The following ETV4 variants were observed in gnomAD, a reference collection of about 807,000 sequenced individuals.
ETV4 encodes the protein ETS variant transcription factor 4.
A neutral mutation model predicts 65.9 loss-of-function variants in ETV4; 42 were observed. The ratio of observed to expected loss-of-function variants is 0.64; its 90% confidence interval spans 0.50 to 0.82. The LOEUF (loss-of-function observed/expected upper bound fraction) is 0.82, where lower values mean the gene tolerates loss of function less well. Among genes scored for constraint, ETV4 ranks in the 40% least tolerant of loss-of-function variants. ETV4 has a pLI of 0.00. For synonymous variants in ETV4, 238 were observed against 260.0 expected (o/e 0.92, Z 0.81); for missense variants, 583 against 630.3 (o/e 0.92, Z 0.80).
At chr17:43,528,767 T>G in intron 12 of ETV4, 24 bp from the exon 13 acceptor site, 1 of 1,604,040 alleles carries the variant, frequency 6.2e-7, no homozygotes, top group Admixed American at 1.7e-5. Flanking sequence ...GAAGGTCTGG[T>G]CAGCCTGGCT....
chr17:43,529,688 G>A lies in ETV4; in HGVS notation c.956-12C>T, dbSNP rs377232247. The A allele has an allele frequency of 5.0e-6, 8 of 1,602,018 alleles. No homozygotes were observed. The highest frequency in any genetic ancestry group is 2.2e-5 in the East Asian group (1 of 44,664). Reference sequence around the variant, plus strand: ...CTGCTTGATGTCTCCTGGGGAACACGAAAATAGGAGGTGTGGGGTTTGTGT... The same window carrying A: ...CTGCTTGATGTCTCCTGGGGAACACAAAAATAGGAGGTGTGGGGTTTGTGT... On this transcript the variant is annotated splice_polypyrimidine_tract_variant and intron_variant, in intron 10 of 12. Coordinates refer to ENST00000319349, the MANE Select transcript of ETV4 (RefSeq NM_001079675.5).
intron 4 of ETV4, among the ~76,000 whole-genome samples, chr17:43,538,103 T>C (rs1218438013): frequency 6.9e-6 from 1 of 145,910 alleles, no homozygotes; most frequent in Non-Finnish European, 1.5e-5. Context: ...ATCAGGCCAC[T>C]GCACTCCAGC....
chr17:43,539,391 A>C (rs1422149528), intron 4 of ETV4, among the ~76,000 whole-genome samples: 2 of 152,024 alleles, frequency 1.3e-5, no homozygotes, highest in Non-Finnish European at 2.9e-5. Flanking sequence ...CCCCTAAACC[A>C]AAGTGGTTCC....
Position 43,528,600 on chromosome 17 carries a change from G to A in ETV4, c.1374C>T (p.His458=). 1.9e-6 allele frequency: 3 copies of A among 1,614,188 alleles called. No homozygotes were observed. The highest frequency in any genetic ancestry group is 2.5e-6 in the Non-Finnish European group (3 of 1,180,030). The change falls in exon 13 of 13, where the codon CAC becomes CAT. Residue 458 remains histidine (H), a synonymous_variant. Transcript: ENST00000319349. The part of the protein sequence containing the change: ...VSEEDTVPLS[H]LDESPAYLPE... ...GGAGGTAGGCGGGGCTCTCATCCAA[G>A]TGGGACAAAGGGACTGTGTCCTCCT...
At chr17:43,545,222 TGTGTGTGTGTGTGGC>T (rs1971745189) in intron 3 of ETV4, 37 bp downstream of exon 3, 1 of 1,116,502 alleles carries the variant, frequency 9.0e-7, no homozygotes, top group Non-Finnish European at 1.3e-6. Context: ...TGTGTGTGTG[TGTGTGTGTGTGTGGC>T]GGAGGAGGGT....
chr17:43,536,227 T>C lies in ETV4; in HGVS notation c.256+199A>G. 1.1e-5 allele frequency: 7 copies of C among 629,744 alleles called. No homozygotes were observed. In the South Asian group the frequency reaches 1.3e-4, roughly 12 times the overall value. 39.0% of individuals were successfully genotyped at this position (629,744 alleles called of 1,614,324 possible). A position where few individuals can be genotyped will look rare whatever the true frequency, so the allele number is the denominator to read the frequency against. On this transcript the variant is annotated intron_variant, in intron 5 of 12. Coordinates refer to ENST00000319349, the MANE Select transcript of ETV4 (RefSeq NM_001079675.5). Reference sequence around the variant, plus strand: ...GGAGAACCAGAGGGATAGTGTCTGCTCTAAGGTCACACAGCAAGAACATGT... The same window carrying C: ...GGAGAACCAGAGGGATAGTGTCTGCCCTAAGGTCACACAGCAAGAACATGT...
At chr17:43,532,319 C>T (rs551033401) in intron 8 of ETV4, among the ~76,000 whole-genome samples, 306 of 152,144 alleles carry the variant, frequency 2.0e-3, no homozygotes, top group Non-Finnish European at 3.2e-3. Flanking sequence ...GCCAGCATGG[C>T]GAAACCCCAT....
intron 9 of ETV4, 48 bp downstream of exon 9, chr17:43,530,059 C>G (rs754971634): frequency 5.0e-6 from 8 of 1,611,774 alleles, no homozygotes; most frequent in Non-Finnish European, 6.8e-6. Flanking sequence ...TGGCAGCGCT[C>G]CCTCCCCCAA....
intron 4 of ETV4, chr17:43,543,744 A>C (rs1598220600): frequency 1.3e-5 from 2 of 152,198 alleles, no homozygotes; most frequent in Non-Finnish European, 2.9e-5. Context: ...ATACCCTCAG[A>C]ACCTCCAGAT....
chr17:43,545,926 C>A, intron 1 of ETV4: 1 of 482,444 alleles, frequency 2.1e-6, no homozygotes, highest in Non-Finnish European at 3.8e-6. Context: ...GGCTCGGTTA[C>A]ATAAGAACGT....
chr17:43,539,486 G>T (rs1971410107), intron 4 of ETV4, among the ~76,000 whole-genome samples: 1 of 152,116 alleles, frequency 6.6e-6, no homozygotes, highest in Admixed American at 6.5e-5. Flanking sequence ...TTACCTGTTT[G>T]TTATCTACCT....
chr17:43,532,562 G>A (rs1394320028), intron 8 of ETV4, 112 bp downstream of exon 8: 4 of 948,068 alleles, frequency 4.2e-6, no homozygotes, highest in African/African-American at 1.7e-5. Flanking sequence ...AAAGTGGGTG[G>A]GTGGGTTGGA....
intron 6 of ETV4, 62 bp from the exon 7 acceptor site, chr17:43,533,410 T>A: frequency 1.3e-6 from 2 of 1,502,838 alleles, no homozygotes; most frequent in South Asian, 2.4e-5. Flanking sequence ...CTTTGAACCC[T>A]TCATTCCTAG....
chr17:43,534,035 G>T, intron 5 of ETV4, 50 bp from the exon 6 acceptor site: 6 of 1,452,016 alleles, frequency 4.1e-6, no homozygotes, highest in Non-Finnish European at 4.5e-6. Context: ...CACACAAGAG[G>T]CAGGCAGGGC....
Position 43,530,146 on chromosome 17 carries a change from C to T in ETV4, c.847G>A (p.Glu283Lys). The T allele has an allele frequency of 6.4e-7, 1 of 1,564,068 alleles. No homozygotes were observed. The highest frequency in any genetic ancestry group is 8.7e-7 in the Non-Finnish European group (1 of 1,153,872). ...TGCASMYLHTEGFSGPSPGDG... is the reference protein window; with the variant it reads ...TGCASMYLHTKGFSGPSPGDG... ...CCTGGAGAGGGCCCAGAGAAGCCCT[C>T]TGTGTGGAGGTACATTGATGCGCAC... Residue 283 changes from glutamate (E) to lysine (K), a missense_variant, in exon 9 of 13, where the codon GAG (glutamate) becomes AAG (lysine). Glu to Lys is a moderately conservative substitution (Grantham distance 56, BLOSUM62 1). Coordinates refer to ENST00000319349, the MANE Select transcript of ETV4 (RefSeq NM_001079675.5).
chr17:43,532,496 CAA>C (rs1202639826), intron 8 of ETV4, among the ~76,000 whole-genome samples, 176 bp downstream of exon 8: 1 of 124,566 alleles, frequency 8.0e-6, no homozygotes. Context: ...GACCCCATTT[CAA>C]AAAAAAAAAG....
In ETV4 at chr17:43,529,986, G is replaced by C. The variant is rs377679946; in HGVS notation, c.887-34C>G. The C allele has an allele frequency of 1.9e-6, 3 of 1,613,864 alleles. No individual in the cohort carries two copies. The Admixed American group carries it at 5.0e-5, about 27-fold the overall frequency. On this transcript the variant is annotated intron_variant, in intron 9 of 12. Transcript: ENST00000319349. Reference sequence around the variant, plus strand: ...GGAAATTGGGGGTTGCTCAGATCTGGGGGTTCACCGATGAGACCCCAGAGA... The same window carrying C: ...GGAAATTGGGGGTTGCTCAGATCTGCGGGTTCACCGATGAGACCCCAGAGA...
At chr17:43,545,223 GT>G in intron 3 of ETV4, 50 bp downstream of exon 3, 1 of 1,127,940 alleles carries the variant, frequency 8.9e-7, no homozygotes, top group African/African-American at 1.5e-5. Context: ...GTGTGTGTGT[GT>G]GTGTGTGTGT....
At chr17:43,532,122 C>T (rs1414384457) in intron 8 of ETV4, among the ~76,000 whole-genome samples, 1 of 152,242 alleles carries the variant, frequency 6.6e-6, no homozygotes, top group Non-Finnish European at 1.5e-5. Context: ...CCATGGCCTC[C>T]TAAAGTGCTG....
Sources: allele counts gnomAD v4.1 joint callset (sites outside exome capture counted in the v4.1 genomes callset), GRCh38; gene constraint gnomAD v4.1.1; transcripts MANE v1.5; gene names NCBI Gene and HGNC (gene_info 2026-07-23, HGNC 2026-07-21).